The following RCN2 variants were observed in gnomAD, a reference collection of about 807,000 sequenced individuals.
The protein encoded by RCN2 is reticulocalbin-2.
RCN2 carries 23 observed loss-of-function variants against 37.5 expected under a neutral mutation model. That is an observed-to-expected ratio of 0.61 (90% CI 0.44 to 0.87). RCN2 has a LOEUF of 0.87. Among genes scored for constraint, RCN2 ranks in the 40% least tolerant of loss-of-function variants. The pLI is 0.00. For missense variants in RCN2, 381 were observed against 390.4 expected, an observed-to-expected ratio of 0.98 and a Z score of 0.20; for synonymous variants, 140 against 144.6, an observed-to-expected ratio of 0.97 and a Z score of 0.23.
chr15:76,949,186 G>A lies in RCN2; in HGVS notation c.918G>A (p.Gln306=). The A allele has an allele frequency of 6.2e-7, 1 of 1,612,108 alleles. No individual in the cohort carries two copies. ...GTGAAGCCACAGATTATGGCAGACA[G>A]CTCCATGATGACTATTTCTATCATG... ...LTSEATDYGR[Q]LHDDYFYHDE... Residue 306 remains glutamine, a synonymous_variant, in exon 7 of 7, where the codon CAG becomes CAA. Transcript: ENST00000394885.
rs1324911443 is a variant in RCN2 at position 76,951,006 on chromosome 15, A to G, written c.*1784A>G. ...CTATATGTCTGGCTATAGCAGTTTT[A>G]GAATTACAGATTTACCACTATCACT... On this transcript the variant is annotated 3_prime_UTR_variant, in exon 7 of 7. Coordinates refer to ENST00000394885, the MANE Select transcript of RCN2 (RefSeq NM_002902.3). 6.6e-6 allele frequency: 1 copy of G among 152,238 alleles called. No individual in the cohort carries two copies. Among genetic ancestry groups the G allele is most frequent in the African/African-American group, 2.4e-5 (1 of 41,462 alleles). The allele number at this position is 152,238 out of a possible 1,614,324, so 9.4% of individuals were successfully genotyped here.
At chr15:76,932,326 T>G in intron 1 of RCN2, 35 bp from the exon 2 acceptor site, 1 of 1,523,742 alleles carries the variant, frequency 6.6e-7, no homozygotes, top group Non-Finnish European at 9.1e-7. Context: ...CTGATAGTAA[T>G]GCTTGGCCCT....
chr15:76,934,071 C>T (rs1164295488), intron 2 of RCN2, among the ~76,000 whole-genome samples: 2 of 152,122 alleles, frequency 1.3e-5, no homozygotes, highest in Non-Finnish European at 2.9e-5. Context: ...CTCATGCTGT[C>T]CTCACAAATA....
rs1568463581 is a variant in RCN2 at position 76,953,595 on chromosome 15, T to TA, written c.*4373_*4374insA. On this transcript the variant is annotated 3_prime_UTR_variant, in exon 7 of 7. Coordinates refer to ENST00000394885, the MANE Select transcript of RCN2 (RefSeq NM_002902.3). ...TATATATATATATATATATATATAT[T>TA]TTTTTTTTTTTTTTTTTTTTTTTTT... is the stretch of plus-strand genomic sequence containing the variant. 1.0e-3 allele frequency: 22 copies of TA among 22,004 alleles called. No individual in the cohort carries two copies. Among genetic ancestry groups the TA allele is most frequent in the East Asian group, 4.0e-3 (2 of 496 alleles). 1.4% of individuals were successfully genotyped at this position (22,004 alleles called of 1,614,324 possible).
chr15:76,938,959 A>G (rs2075265191), intron 3 of RCN2: 1 of 344,608 alleles, frequency 2.9e-6, no homozygotes, highest in Non-Finnish European at 6.0e-6. Flanking sequence ...TTGAGCCCAG[A>G]GTTCGAGAAC....
intron 3 of RCN2, 147 bp from the exon 4 acceptor site, chr15:76,943,611 A>G (rs2075283876): frequency 1.3e-5 from 7 of 553,518 alleles, no homozygotes; most frequent in South Asian, 5.0e-5. Context: ...CCCCTAATAC[A>G]TGTATTTGTG....
rs1250106695 is a variant in RCN2 at position 76,931,800 on chromosome 15, C to T, written c.-42C>T. 12 of 1,198,370 alleles carry T rather than the reference C, an allele frequency of 1.0e-5. No individual in the cohort carries two copies. In the East Asian group the frequency reaches 2.9e-4, roughly 29 times the overall value. The allele number at this position is 1,198,370 out of a possible 1,614,324, so 74.2% of individuals were successfully genotyped here. ...GCAGCCGGCCCGGGCCCCCGCCAGC[C>T]TCCCTCCTCGCGTCCCTCGGTGTCC... is the stretch of plus-strand genomic sequence containing the variant. On this transcript the variant is annotated 5_prime_UTR_variant, in exon 1 of 7. Coordinates refer to ENST00000394885, the MANE Select transcript of RCN2 (RefSeq NM_002902.3).
At position 76,932,429 on chromosome 15, in the gene RCN2, G is replaced by A. The variant is rs755438411; in HGVS notation, c.213G>A (p.Lys71=). 2 of 1,611,182 alleles carry A rather than the reference G, an allele frequency of 1.2e-6. No homozygotes were observed. Among genetic ancestry groups the A allele is most frequent in the Non-Finnish European group, 1.7e-6 (2 of 1,178,876 alleles). The part of the protein sequence containing the change: ...EQQKRLQAII[K]KIDLDSDGFL... ...AAAAAAGACTGCAGGCGATCATAAA[G>A]AAAATCGACTTGGACTCAGATGGCT... The change falls in exon 2 of 7, where the codon AAG becomes AAA. Residue 71 remains lysine, a synonymous_variant. Coordinates refer to ENST00000394885, the MANE Select transcript of RCN2 (RefSeq NM_002902.3).
chr15:76,941,887 A>C (rs1026611224), intron 3 of RCN2: 10 of 397,448 alleles, frequency 2.5e-5, no homozygotes, highest in Non-Finnish European at 4.0e-5. Context: ...GGGTTCTTTC[A>C]TAAGGAAATC....
chr15:76,950,567 T>A lies in RCN2; in HGVS notation c.*1345T>A, dbSNP rs1185665399. The stretch of plus-strand genomic sequence containing the variant: ...CCACACCCGGCTAATTTTTTTGTAT[T>A]TTTAGTAGAGACCGGGTTTCACCGT... On this transcript the variant is annotated 3_prime_UTR_variant, in exon 7 of 7. Transcript: ENST00000394885. 6.6e-6 allele frequency: 1 copy of A among 152,156 alleles called. No homozygotes were observed. Among genetic ancestry groups the A allele is most frequent in the Non-Finnish European group, 1.5e-5 (1 of 68,100 alleles). The allele number at this position is 152,156 out of a possible 1,614,324, so 9.4% of individuals were successfully genotyped here.
chr15:76,949,131 T>C lies in RCN2; in HGVS notation c.863T>C (p.Ile288Thr). Residue 288 changes from isoleucine (I) to threonine (T), a missense_variant, in exon 7 of 7, where the codon ATT becomes ACT. Coordinates refer to ENST00000394885, the MANE Select transcript of RCN2 (RefSeq NM_002902.3). ...NGDKKLSEEE[I>T]LENPDLFLTS... is the part of the protein sequence containing the mutation. ...GACAAAAAGCTCTCTGAAGAAGAGA[T>C]TCTGGAAAACCCGGACTTGTTTCTC... The C allele has an allele frequency of 6.2e-7, 1 of 1,613,366 alleles. No homozygotes were observed. Among genetic ancestry groups the C allele is most frequent in the Non-Finnish European group, 8.5e-7 (1 of 1,179,682 alleles).
rs976509567 is a variant in RCN2 at position 76,949,900 on chromosome 15, T to C, written c.*678T>C. ...TGAGTGATTAAAAATGAAATGTCCT[T>C]TGTATATGTTTGTTTGCTTTTCTTT... On this transcript the variant is annotated 3_prime_UTR_variant, in exon 7 of 7. Coordinates refer to ENST00000394885, the MANE Select transcript of RCN2 (RefSeq NM_002902.3). 1 of 150,242 alleles carries C rather than the reference T, an allele frequency of 6.7e-6. No individual in the cohort carries two copies. The highest frequency in any genetic ancestry group is 1.5e-5 in the Non-Finnish European group (1 of 67,648). 9.3% of individuals were successfully genotyped at this position (150,242 alleles called of 1,614,324 possible).
intron 3 of RCN2, 133 bp downstream of exon 3, chr15:76,935,855 T>G: frequency 1.7e-6 from 1 of 597,242 alleles, no homozygotes; most frequent in South Asian, 2.5e-5. Context: ...CTGTTCCACT[T>G]CAGCAGTCAT....
rs1056826258 is a variant in RCN2, at chr15:76,951,623, G to A, written c.*2401G>A. 6.6e-6 allele frequency: 1 copy of A among 152,178 alleles called. No individual in the cohort carries two copies. The allele number at this position is 152,178 out of a possible 1,614,324, so 9.4% of individuals were successfully genotyped here. The stretch of plus-strand genomic sequence containing the variant: ...CTTGAACAGAGATGCTATATCTACT[G>A]CTGAGTCAAAATAGAAAATTTTAAG... On this transcript the variant is annotated 3_prime_UTR_variant, in exon 7 of 7. Transcript: ENST00000394885.
rs144252373 is a variant in RCN2 at position 76,932,385 on chromosome 15, C to A, written c.169C>A (p.Leu57Ile). 670 of 1,613,858 alleles carry A rather than the reference C, an allele frequency of 4.2e-4. 2 individuals are homozygous for A. The highest frequency in any genetic ancestry group is 5.5e-4 in the Admixed American group (33 of 60,012). Residue 57 changes from leucine (L) to isoleucine (I), a missense_variant, in exon 2 of 7, where the codon CTC (leucine) becomes ATC (isoleucine). Transcript: ENST00000394885. ...VQEDVDEYVK[L>I]GHEEQQKRLQ... ...GGAAGATGTGGATGAATATGTTAAACTCGGCCACGAAGAGCAGCAAAAAAG... is the reference window on the plus strand; with the variant it reads ...GGAAGATGTGGATGAATATGTTAAAATCGGCCACGAAGAGCAGCAAAAAAG...
intron 5 of RCN2, chr15:76,948,054 G>A: frequency 5.9e-6 from 1 of 168,732 alleles, no homozygotes; most frequent in East Asian, 1.6e-4. Flanking sequence ...AATTACACAT[G>A]GCATTACTTT....
rs182462515 is a variant in RCN2, at chr15:76,936,632, C to T, written c.447+910C>T. ...TCCTAACAGGCCATGAACCAATACC[C>T]GTCCGCGACCTAGGGATTGAGGGTC... On this transcript the variant is annotated intron_variant, in intron 3 of 6. Coordinates refer to ENST00000394885, the MANE Select transcript of RCN2 (RefSeq NM_002902.3). Among the ~76,000 whole-genome samples the T allele has an allele frequency of 5.3e-4, 80 of 152,250 alleles. 1 individual carries two copies. Among genetic ancestry groups the T allele is most frequent in the Admixed American group, 1.6e-3 (25 of 15,284 alleles).
rs1352478705 is a variant in RCN2 at position 76,950,221 on chromosome 15, G to GT, written c.*1000dup. 1.3e-5 allele frequency: 2 copies of GT among 152,010 alleles called. No homozygotes were observed. The highest frequency in any genetic ancestry group is 1.3e-4 in the Admixed American group (2 of 15,256). The allele number at this position is 152,010 out of a possible 1,614,324, so 9.4% of individuals were successfully genotyped here. A position where few individuals can be genotyped will look rare whatever the true frequency, so the allele number is the denominator to read the frequency against. ...GGTCAGTTATCAACAGTAGAGCTCA[G>GT]TATCAATTTTACTGAAATTAAAATC... On this transcript the variant is annotated 3_prime_UTR_variant, in exon 7 of 7. Transcript: ENST00000394885.
chr15:76,937,059 T>C (rs2075253661), intron 3 of RCN2, among the ~76,000 whole-genome samples: 1 of 152,234 alleles, frequency 6.6e-6, no homozygotes, highest in Admixed American at 6.5e-5. Context: ...AACTGGCTTA[T>C]TTTTACTTAG....
Sources: allele counts gnomAD v4.1 joint callset (sites outside exome capture counted in the v4.1 genomes callset), GRCh38; gene constraint gnomAD v4.1.1; transcripts MANE v1.5; gene names NCBI Gene and HGNC (gene_info 2026-07-23, HGNC 2026-07-21).